The following CCT3 variants were observed in gnomAD, a reference collection of about 807,000 sequenced individuals.
CCT3 encodes the protein chaperonin containing TCP1 subunit 3.
In CCT3, 10 loss-of-function variants were observed where a neutral mutation model predicts 65.3. That is an observed-to-expected ratio of 0.15 (90% CI 0.09 to 0.26). The LOEUF is 0.26. Ranked by LOEUF, CCT3 falls within the 10% of genes least tolerant of loss-of-function variation. The probability of loss-of-function intolerance (pLI) is 1.00; values close to 1 mark genes in which losing one functional copy is unlikely to be tolerated. For missense variants in CCT3, 626 were observed against 708.7 expected, an observed-to-expected ratio of 0.88 and a Z score of 1.33; for synonymous variants, 225 against 242.3, an observed-to-expected ratio of 0.93 and a Z score of 0.66.
intron 6 of CCT3, among the ~76,000 whole-genome samples, 159 bp from the exon 7 acceptor site, chr1:156,321,184 T>C (rs1664539386): frequency 6.6e-6 from 1 of 152,220 alleles, no homozygotes; most frequent in Non-Finnish European, 1.5e-5. Context: ...AGGTAACCTT[T>C]GTCCATTCCT....
chr1:156,334,857 G>T lies in CCT3; in HGVS notation c.144+11C>A. The T allele has an allele frequency of 6.2e-7, 1 of 1,614,000 alleles. No homozygotes were observed. The highest frequency in any genetic ancestry group is 8.5e-7 in the Non-Finnish European group (1 of 1,179,876). On this transcript the variant is annotated intron_variant, in intron 3 of 13. Transcript: ENST00000295688. The stretch of plus-strand genomic sequence containing the variant: ...TTGTAGCCTAAGAGTTTTAGGAAGA[G>T]ATAAGCCTACCTTCATCATGGACTT...
chr1:156,321,506 T>C (rs1393719867), intron 6 of CCT3, among the ~76,000 whole-genome samples: 2 of 152,236 alleles, frequency 1.3e-5, no homozygotes, highest in African/African-American at 2.4e-5. Context: ...TTTATGTTAC[T>C]GTAAACACAT....
chr1:156,324,335 T>C (rs1326296308), intron 6 of CCT3, among the ~76,000 whole-genome samples: 1 of 152,168 alleles, frequency 6.6e-6, no homozygotes, highest in Non-Finnish European at 1.5e-5. Flanking sequence ...AGTGATGGGA[T>C]TACAGGCGTG....
At chr1:156,337,128 G>C in intron 1 of CCT3, 8 of 1,280,702 alleles carry the variant, frequency 6.2e-6, no homozygotes, top group Non-Finnish European at 8.1e-6. Flanking sequence ...TAAGGGACCG[G>C]GCGCGGTGGC....
chr1:156,313,037 A>G (rs960219381), intron 10 of CCT3, among the ~76,000 whole-genome samples: 3 of 152,220 alleles, frequency 2.0e-5, no homozygotes, highest in Admixed American at 6.5e-5. Flanking sequence ...ACATGTTCCC[A>G]GATACCATTA....
intron 4 of CCT3, among the ~76,000 whole-genome samples, chr1:156,333,953 G>A (rs1665220282): frequency 6.6e-6 from 1 of 152,156 alleles, no homozygotes; most frequent in African/African-American, 2.4e-5. Context: ...ATACGTTGAA[G>A]CCAGCTGGGC....
In CCT3 at chr1:156,328,894, T is replaced by C. The variant is rs369219192; in HGVS notation, c.305-3805A>G. ...AAAAAAAAATGTACATGTTATTCATTAGTATGTGCTCCAGTGTTTGAATTC... is the reference window on the plus strand; with the variant it reads ...AAAAAAAAATGTACATGTTATTCATCAGTATGTGCTCCAGTGTTTGAATTC... On this transcript the variant is annotated intron_variant, in intron 5 of 13. Coordinates refer to ENST00000295688, the MANE Select transcript of CCT3 (RefSeq NM_005998.5). 7.5e-4 allele frequency among the ~76,000 whole-genome samples: 114 copies of C among 152,290 alleles called. 1 individual carries two copies. The highest frequency in any genetic ancestry group is 2.6e-3 in the African/African-American group (108 of 41,544).
At chr1:156,328,271 G>A (rs1300184756) in intron 5 of CCT3, among the ~76,000 whole-genome samples, 10 of 148,734 alleles carry the variant, frequency 6.7e-5, no homozygotes, top group Non-Finnish European at 1.5e-4. Context: ...CGCCCCATCC[G>A]GGAGGTGAGG....
At chr1:156,329,526 C>T (rs966068006) in intron 5 of CCT3, among the ~76,000 whole-genome samples, 3 of 151,654 alleles carry the variant, frequency 2.0e-5, no homozygotes, top group Non-Finnish European at 4.4e-5. Flanking sequence ...AGGATGGTCT[C>T]GAATTCCAGA....
At position 156,338,235 on chromosome 1, in the gene CCT3, C is replaced by T. The variant is rs746930866; in HGVS notation, c.-51G>A. 1.3e-6 allele frequency: 2 copies of T among 1,552,212 alleles called. No individual in the cohort carries two copies. The highest frequency in any genetic ancestry group is 2.3e-5 in the East Asian group (1 of 42,956). On this transcript the variant is annotated 5_prime_UTR_variant, in exon 1 of 14. Coordinates refer to ENST00000295688, the MANE Select transcript of CCT3 (RefSeq NM_005998.5). The stretch of plus-strand genomic sequence containing the variant: ...CCAGAGCTGGGGGAACCGGCAGAAC[C>T]TTCTGGAGAGAGAGAACCAGACAGA...
chr1:156,328,459 T>G (rs1015207807), intron 5 of CCT3, among the ~76,000 whole-genome samples: 2 of 152,030 alleles, frequency 1.3e-5, no homozygotes, highest in Non-Finnish European at 2.9e-5. Flanking sequence ...ATGGTTGCCG[T>G]GTCTGTGTAG....
At chr1:156,311,285 G>C in intron 11 of CCT3, 90 bp from the exon 12 acceptor site, 1 of 1,342,314 alleles carries the variant, frequency 7.4e-7, no homozygotes. Flanking sequence ...GCCAAAGTTA[G>C]TAAACCACCA....
chr1:156,334,796 A>G (rs1329903969), intron 3 of CCT3, 21 bp from the exon 4 acceptor site: 11 of 1,613,896 alleles, frequency 6.8e-6, no homozygotes, highest in Non-Finnish European at 9.3e-6. Context: ...AGCAAAAGTT[A>G]TATTTAAAGT....
rs575942729 is a variant in CCT3 at position 156,333,748 on chromosome 1, C to T, written c.208-105G>A. ...TCTTGCTTCTATACGTACTTACTTT[C>T]CCTTTAATGTTTTACCATATCTTGA... On this transcript the variant is annotated intron_variant, in intron 4 of 13. Coordinates refer to ENST00000295688, the MANE Select transcript of CCT3 (RefSeq NM_005998.5). 11 of 758,272 alleles carry T rather than the reference C, an allele frequency of 1.5e-5. No individual in the cohort carries two copies. The South Asian group carries it at 1.7e-4, about 12-fold the overall frequency. The allele number at this position is 758,272 out of a possible 1,614,324, so 47.0% of individuals were successfully genotyped here.
intron 5 of CCT3, among the ~76,000 whole-genome samples, chr1:156,328,450 T>G (rs1003377595): frequency 5.9e-5 from 9 of 152,020 alleles, no homozygotes; most frequent in African/African-American, 2.2e-4. Context: ...AGAAATCGGA[T>G]GGTTGCCGTG....
chr1:156,326,649 C>CAAAAAAAA (rs760908966), intron 5 of CCT3, among the ~76,000 whole-genome samples: 27 of 65,112 alleles, frequency 4.1e-4, no homozygotes, highest in Non-Finnish European at 5.6e-4. Context: ...GACTCCATCT[C>CAAAAAAAA]AAAAAAAAAA....
chr1:156,336,482 C>T (rs1039017965), intron 1 of CCT3, among the ~76,000 whole-genome samples: 2 of 152,176 alleles, frequency 1.3e-5, no homozygotes, highest in African/African-American at 4.8e-5. Flanking sequence ...CTGTTTAGAA[C>T]ACACTCAACA....
chr1:156,334,125 G>A lies in CCT3; in HGVS notation c.208-482C>T, dbSNP rs529014466. Among the ~76,000 whole-genome samples, 11 of 152,068 alleles carry A rather than the reference G, an allele frequency of 7.2e-5. 1 individual carries two copies. The highest frequency in any genetic ancestry group is 2.7e-4 in the African/African-American group (11 of 41,472). ...GTGGTGGCATGCGCTTGTAATTCCA[G>A]CTAATCAGGAGGCTGAGGCAGAAGA... On this transcript the variant is annotated intron_variant, in intron 4 of 13. Coordinates refer to ENST00000295688, the MANE Select transcript of CCT3 (RefSeq NM_005998.5).
intron 5 of CCT3, among the ~76,000 whole-genome samples, chr1:156,327,560 C>T (rs543281897): frequency 3.7e-4 from 56 of 152,334 alleles, no homozygotes; most frequent in African/African-American, 4.8e-4. Flanking sequence ...CCCGAGGTGC[C>T]GGGATTGCAG....
Sources: gnomAD v4.1 joint callset for allele counts (sites outside exome capture counted in the v4.1 genomes callset) on GRCh38, gnomAD v4.1.1 for gene constraint, MANE v1.5 for transcripts, NCBI Gene and HGNC (gene_info 2026-07-23, HGNC 2026-07-21) for gene names.